CACNA2D1: variants seen among roughly 807,000 people sequenced by gnomAD.
CACNA2D1 encodes the protein voltage-dependent calcium channel subunit alpha-2/delta-1.
Under a neutral mutation model 171.5 loss-of-function variants are expected in CACNA2D1, and 53 were observed. That is an observed-to-expected ratio of 0.31 (90% CI 0.25 to 0.39). CACNA2D1 has a LOEUF of 0.39. Among genes scored for constraint, CACNA2D1 ranks in the 10% least tolerant of loss-of-function variants. CACNA2D1 has a pLI of 1.00. For synonymous variants in CACNA2D1, 442 were observed against 443.1 expected (o/e 1.00, Z 0.03); for missense variants, 903 against 1,299.8 (o/e 0.69, Z 4.69).
intron 4 of CACNA2D1, among the ~76,000 whole-genome samples, chr7:82,153,031 T>C (rs1449509613): frequency 6.6e-6 from 1 of 150,920 alleles, no homozygotes; most frequent in East Asian, 1.9e-4. Context: ...TGTGAACTGA[T>C]CAGCCAGGCA....
Position 82,378,938 on chromosome 7 carries a change from CGTGTGTGTGTGTGTGTGTGT to C in CACNA2D1, c.96-29309_96-29290del, listed in dbSNP as rs533854397. Among the ~76,000 whole-genome samples the C allele has an allele frequency of 2.7e-4, 38 of 139,170 alleles. No individual in the cohort carries two copies. The Middle Eastern group carries it at 0.014, about 52-fold the overall frequency. 91.3% of individuals were successfully genotyped at this position (139,170 alleles called of 152,430 possible). Reference sequence around the variant, plus strand: ...TACTGTATGTGTGCAGGGGTTGACTCGTGTGTGTGTGTGTGTGTGTGTGTGTGTGTGTGTGTGTGTGTGTG... The same window carrying C: ...TACTGTATGTGTGCAGGGGTTGACTCGTGTGTGTGTGTGTGTGTGTGTGTG... On this transcript the variant is annotated intron_variant, in intron 1 of 38. Transcript: ENST00000356860.
Position 82,082,177 on chromosome 7 carries a change from C to T in CACNA2D1, c.658+2592G>A, listed in dbSNP as rs113116780. Among the ~76,000 whole-genome samples the T allele has an allele frequency of 3.1e-3, 472 of 152,302 alleles. 4 individuals are homozygous for T. The highest frequency in any genetic ancestry group is 0.011 in the African/African-American group (438 of 41,552). ...GGCTGGCTCAGCCCTGCCACTGCTTCCTGATGTATGGGGCAGCTGTCCTCC... is the reference window on the plus strand; with the variant it reads ...GGCTGGCTCAGCCCTGCCACTGCTTTCTGATGTATGGGGCAGCTGTCCTCC... On this transcript the variant is annotated intron_variant, in intron 7 of 38. Transcript: ENST00000356860.
At chr7:81,960,183 T>C (rs567438368) in intron 36 of CACNA2D1, among the ~76,000 whole-genome samples, 1 of 152,180 alleles carries the variant, frequency 6.6e-6, no homozygotes, top group African/African-American at 2.4e-5. Flanking sequence ...GTTGCCTTAT[T>C]TTACAGATAA....
chr7:81,962,693 T>G (rs1158780231), intron 34 of CACNA2D1, among the ~76,000 whole-genome samples, 198 bp from the exon 35 acceptor site: 1 of 151,930 alleles, frequency 6.6e-6, no homozygotes, highest in Non-Finnish European at 1.5e-5. Flanking sequence ...AAATCAGAAG[T>G]GTTCAGATCT....
chr7:81,967,620 G>A lies in CACNA2D1; in HGVS notation c.2439C>T (p.Phe813=), dbSNP rs1026564694. 1.3e-6 allele frequency: 2 copies of A among 1,515,162 alleles called. No individual in the cohort carries two copies. Among genetic ancestry groups the A allele is most frequent in the Non-Finnish European group, 1.8e-6 (2 of 1,096,522 alleles). The allele number at this position is 1,515,162 out of a possible 1,614,324, so 93.9% of individuals were successfully genotyped here. A position where few individuals can be genotyped will look rare whatever the true frequency, so the allele number is the denominator to read the frequency against. ...CCGGATCTCTGATTGAGGTTTTGGTGAAATTCTCTATCCAGGAATTTACAT... is the reference window on the plus strand; with the variant it reads ...CCGGATCTCTGATTGAGGTTTTGGTAAAATTCTCTATCCAGGAATTTACAT... The part of the protein sequence containing the change: ...KIDVNSWIEN[F]TKTSIRDPCA... The change falls in exon 30 of 39, where the codon TTC becomes TTT. Residue 813 remains phenylalanine (F), a synonymous_variant. Transcript: ENST00000356860.
intron 5 of CACNA2D1, among the ~76,000 whole-genome samples, chr7:82,136,097 T>C (rs1227747941): frequency 1.3e-5 from 2 of 152,240 alleles, no homozygotes; most frequent in Non-Finnish European, 1.5e-5. Flanking sequence ...ATCCATGTTT[T>C]CAAGTCATTT....
intron 3 of CACNA2D1, among the ~76,000 whole-genome samples, chr7:82,198,158 T>C (rs1207018466): frequency 5.3e-5 from 8 of 152,066 alleles, no homozygotes; most frequent in Non-Finnish European, 1.2e-4. Flanking sequence ...TGCTCAGCAC[T>C]CTACAGACAT....
chr7:82,270,183 T>C (rs1180881227), intron 3 of CACNA2D1, among the ~76,000 whole-genome samples: 3 of 152,164 alleles, frequency 2.0e-5, no homozygotes, highest in South Asian at 2.1e-4. Flanking sequence ...ATCTTTGTTT[T>C]TGTTTTTTGC....
intron 3 of CACNA2D1, among the ~76,000 whole-genome samples, chr7:82,257,987 G>C (rs960097955): frequency 6.6e-6 from 1 of 152,172 alleles, no homozygotes; most frequent in Non-Finnish European, 1.5e-5. Context: ...GTGATTGCTG[G>C]TGGAGGGAGA....
chr7:82,077,643 G>A (rs1044009376), intron 7 of CACNA2D1, among the ~76,000 whole-genome samples: 2 of 151,736 alleles, frequency 1.3e-5, no homozygotes, highest in African/African-American at 4.8e-5. Flanking sequence ...TAATACACTG[G>A]ACTTTAATAA....
intron 1 of CACNA2D1, among the ~76,000 whole-genome samples, chr7:82,393,063 AAGGAAGGAAGGAAGGAAGGAAGGCAGGC>A (rs1347198119): frequency 1.4e-3 from 166 of 120,058 alleles, no homozygotes; most frequent in African/African-American, 6.1e-3. Context: ...GGAAGGAAGG[AAGGAAGGAAGGAAGGAAGGAAGGCAGGC>A]AGGCAGGCAG....
At chr7:81,974,276 A>T (rs1381168648) in intron 25 of CACNA2D1, among the ~76,000 whole-genome samples, 179 bp downstream of exon 25, 2 of 152,076 alleles carry the variant, frequency 1.3e-5, no homozygotes, top group Non-Finnish European at 2.9e-5. Flanking sequence ...TAAATAATGA[A>T]ATAACATTTC....
intron 7 of CACNA2D1, among the ~76,000 whole-genome samples, chr7:82,084,382 A>C (rs1452951249): frequency 2.6e-5 from 4 of 152,198 alleles, no homozygotes; most frequent in African/African-American, 7.2e-5. Flanking sequence ...CTTTTGTTAC[A>C]AATTTCAATC....
intron 1 of CACNA2D1, among the ~76,000 whole-genome samples, chr7:82,430,230 A>C (rs1445257746): frequency 6.6e-6 from 1 of 152,038 alleles, no homozygotes; most frequent in African/African-American, 2.4e-5. Flanking sequence ...CAGCCTGGCC[A>C]ATATGGTGAA....
chr7:82,375,692 T>C lies in CACNA2D1; in HGVS notation c.96-26043A>G, dbSNP rs115699281. Among the ~76,000 whole-genome samples the C allele has an allele frequency of 7.2e-3, 1,103 of 152,300 alleles. 17 individuals are homozygous for C. The highest frequency in any genetic ancestry group is 0.025 in the African/African-American group (1,023 of 41,568). On this transcript the variant is annotated intron_variant, in intron 1 of 38. Transcript: ENST00000356860. ...GTGTATTTTCTCCTCCATAAAGAAG[T>C]AGATTTTTGAGGGCAAGGCACGACC... is the stretch of plus-strand genomic sequence containing the variant.
chr7:82,244,624 G>A (rs920503407), intron 3 of CACNA2D1, among the ~76,000 whole-genome samples: 1 of 151,784 alleles, frequency 6.6e-6, no homozygotes, highest in Non-Finnish European at 1.5e-5. Flanking sequence ...ATAAAATTAA[G>A]CAAGGGGAAA....
chr7:82,412,280 C>CTTT (rs11419755), intron 1 of CACNA2D1, among the ~76,000 whole-genome samples: 27 of 124,830 alleles, frequency 2.2e-4, no homozygotes, highest in East Asian at 9.5e-4. Flanking sequence ...GTGCTTGTAA[C>CTTT]TTTTTTTTTT....
chr7:82,232,978 A>G (rs1012018), intron 3 of CACNA2D1, among the ~76,000 whole-genome samples: 50,645 of 151,588 alleles, frequency 0.33, 10,068 homozygotes, highest in East Asian at 0.53. Context: ...AAAAATTAAT[A>G]AACGAATTAC....
intron 11 of CACNA2D1, 24 bp downstream of exon 11, chr7:82,038,053 C>T (rs763116869): frequency 2.4e-5 from 39 of 1,609,638 alleles, no homozygotes; most frequent in South Asian, 1.3e-4. Context: ...ACAACAACAA[C>T]AAAAGACATA....
Sources: allele counts gnomAD v4.1 joint callset (sites outside exome capture counted in the v4.1 genomes callset), GRCh38; gene constraint gnomAD v4.1.1; transcripts MANE v1.5; gene names NCBI Gene and HGNC (gene_info 2026-07-23, HGNC 2026-07-21).